Variants in PTPN4 observed in about 807,000 individuals in gnomAD.
The protein encoded by PTPN4 is tyrosine-protein phosphatase non-receptor type 4.
A neutral mutation model predicts 135.5 loss-of-function variants in PTPN4; 49 were observed. That is an observed-to-expected ratio of 0.36 (90% CI 0.29 to 0.46). PTPN4 has a LOEUF of 0.46. Among genes scored for constraint, PTPN4 ranks in the 20% least tolerant of loss-of-function variants. The probability of loss-of-function intolerance (pLI) is 1.00; values close to 1 mark genes in which losing one functional copy is unlikely to be tolerated. For missense variants in PTPN4, 860 were observed against 1,101.0 expected (o/e 0.78, Z 3.10); for synonymous variants, 333 against 369.9 (o/e 0.90, Z 1.14).
chr2:119,873,454 A>C (rs1373496913), intron 3 of PTPN4, among the ~76,000 whole-genome samples: 1 of 152,186 alleles, frequency 6.6e-6, no homozygotes, highest in Non-Finnish European at 1.5e-5. Flanking sequence ...AGATACAAAA[A>C]TTAACTTTGT....
chr2:119,885,936 A>G, intron 9 of PTPN4, 54 bp downstream of exon 9: 1 of 1,239,886 alleles, frequency 8.1e-7, no homozygotes. Flanking sequence ...GTTACTCAAT[A>G]TAACATTTTT....
In PTPN4 at chr2:119,877,548, T is replaced by C. The variant is rs376632049; in HGVS notation, c.368+6T>C. Reference sequence around the variant, plus strand: ...TTACAAGAAGAATATACAAGGTGGGTTTATGGATATATTTTTCTTGAAAAT... The same window carrying C: ...TTACAAGAAGAATATACAAGGTGGGCTTATGGATATATTTTTCTTGAAAAT... On this transcript the variant is annotated splice_donor_region_variant and intron_variant, in intron 5 of 26. Transcript: ENST00000263708. 2 of 1,574,108 alleles carry C rather than the reference T, an allele frequency of 1.3e-6. No individual in the cohort carries two copies. The highest frequency in any genetic ancestry group is 1.7e-6 in the Non-Finnish European group (2 of 1,167,060).
At chr2:119,881,387 C>T (rs1358557780) in intron 5 of PTPN4, among the ~76,000 whole-genome samples, 2 of 152,268 alleles carry the variant, frequency 1.3e-5, no homozygotes, top group East Asian at 1.9e-4. Context: ...CTCAGACCAG[C>T]GAAAATCATC....
intron 2 of PTPN4, among the ~76,000 whole-genome samples, chr2:119,852,881 A>G (rs1677613051): frequency 6.6e-6 from 1 of 151,562 alleles, no homozygotes; most frequent in Non-Finnish European, 1.5e-5. Flanking sequence ...GTTTTTCTCC[A>G]GAGTCCTCTT....
intron 15 of PTPN4, 54 bp from the exon 16 acceptor site, chr2:119,945,027 C>T (rs1261214072): frequency 9.3e-6 from 14 of 1,509,158 alleles, no homozygotes; most frequent in Non-Finnish European, 1.2e-5. Flanking sequence ...GGTTGCTTGA[C>T]CCTAACTTTT....
chr2:119,930,914 A>G (rs1413443659), intron 13 of PTPN4, among the ~76,000 whole-genome samples: 1 of 152,070 alleles, frequency 6.6e-6, no homozygotes, highest in Non-Finnish European at 1.5e-5. Context: ...AGCAAGTCCA[A>G]TACTACCTGC....
intron 19 of PTPN4, among the ~76,000 whole-genome samples, chr2:119,954,640 G>C (rs1679255596): frequency 6.6e-6 from 1 of 152,140 alleles, no homozygotes; most frequent in Admixed American, 6.5e-5. Context: ...CTAGGATCTA[G>C]GGTCTGAATC....
At chr2:119,886,132 T>G (rs868358880) in intron 9 of PTPN4, among the ~76,000 whole-genome samples, 1 of 152,194 alleles carries the variant, frequency 6.6e-6, no homozygotes, top group Admixed American at 6.5e-5. Context: ...CCGTAAGATA[T>G]AGTACCTTTA....
At chr2:119,975,044 T>C (rs1679592807) in intron 26 of PTPN4, among the ~76,000 whole-genome samples, 1 of 152,176 alleles carries the variant, frequency 6.6e-6, no homozygotes, top group Admixed American at 6.5e-5. Context: ...TTCACAGCTC[T>C]TTTTGCCCTT....
intron 1 of PTPN4, among the ~76,000 whole-genome samples, chr2:119,787,181 T>A (rs541008378): frequency 6.6e-6 from 1 of 152,326 alleles, no homozygotes; most frequent in East Asian, 1.9e-4. Context: ...GTGGCTAGTT[T>A]TCTCAAAGGG....
At chr2:119,878,244 A>C (rs1188596298) in intron 5 of PTPN4, among the ~76,000 whole-genome samples, 1 of 152,216 alleles carries the variant, frequency 6.6e-6, no homozygotes, top group Non-Finnish European at 1.5e-5. Context: ...TTGAAGGTAG[A>C]AATGGAGAAA....
chr2:119,976,879 T>A, intron 26 of PTPN4, 105 bp from the exon 27 acceptor site: 1 of 1,493,230 alleles, frequency 6.7e-7, no homozygotes, highest in South Asian at 1.3e-5. Context: ...TGTTTTGCAT[T>A]TTTTAAGTAA....
intron 3 of PTPN4, among the ~76,000 whole-genome samples, chr2:119,870,146 A>G (rs1677889439): frequency 6.6e-6 from 1 of 152,212 alleles, no homozygotes; most frequent in South Asian, 2.1e-4. Flanking sequence ...TTGGAAAACT[A>G]TTATAACTGG....
At chr2:119,770,998 G>C (rs1558720247) in intron 1 of PTPN4, among the ~76,000 whole-genome samples, 1 of 151,806 alleles carries the variant, frequency 6.6e-6, no homozygotes, top group Non-Finnish European at 1.5e-5. Flanking sequence ...TCCTGCCTCA[G>C]CCTCCCGAGT....
chr2:119,825,702 G>C (rs1405381291), intron 2 of PTPN4, among the ~76,000 whole-genome samples: 1 of 151,888 alleles, frequency 6.6e-6, no homozygotes, highest in African/African-American at 2.4e-5. Flanking sequence ...CACCATGTTG[G>C]GCAGGTTGGT....
intron 1 of PTPN4, among the ~76,000 whole-genome samples, chr2:119,795,733 G>A (rs992305349): frequency 1.3e-5 from 2 of 152,346 alleles, no homozygotes; most frequent in South Asian, 2.1e-4. Flanking sequence ...CCTGGGGGGC[G>A]GGGCTTCTGC....
intron 1 of PTPN4, among the ~76,000 whole-genome samples, chr2:119,762,576 G>A (rs918388354): frequency 2.0e-5 from 3 of 152,028 alleles, no homozygotes; most frequent in African/African-American, 7.2e-5. Context: ...AAGGAGGTTT[G>A]TTATTGAGAG....
intron 13 of PTPN4, among the ~76,000 whole-genome samples, chr2:119,928,414 A>G (rs1678855098): frequency 1.3e-5 from 2 of 152,184 alleles, no homozygotes; most frequent in South Asian, 4.1e-4. Flanking sequence ...ATGAATTAAC[A>G]TTAATAGAAG....
At chr2:119,828,993 CT>C (rs1677183768) in intron 2 of PTPN4, among the ~76,000 whole-genome samples, 1 of 152,318 alleles carries the variant, frequency 6.6e-6, no homozygotes, top group Admixed American at 6.5e-5. Context: ...TCCCCTGAAA[CT>C]GGAAACAAGG....
Sources: gnomAD v4.1 joint callset for allele counts (sites outside exome capture counted in the v4.1 genomes callset) on GRCh38, gnomAD v4.1.1 for gene constraint, MANE v1.5 for transcripts, NCBI Gene and HGNC (gene_info 2026-07-23, HGNC 2026-07-21) for gene names.